The following LRRTM4 variants were observed in gnomAD, a reference collection of about 807,000 sequenced individuals.
LRRTM4 encodes leucine-rich repeat transmembrane neuronal protein 4.
Under a neutral mutation model 47.6 loss-of-function variants are expected in LRRTM4, and 25 were observed. The ratio of observed to expected loss-of-function variants is 0.53; its 90% confidence interval spans 0.38 to 0.73. LRRTM4 has a LOEUF of 0.73. LRRTM4 is among the 30% of genes least tolerant of loss of function. The pLI, the probability that LRRTM4 is intolerant of heterozygous loss-of-function variation, is 0.00. For synonymous variants in LRRTM4, 311 were observed against 269.5 expected (o/e 1.15, Z -1.51); for missense variants, 638 against 713.4 (o/e 0.89, Z 1.20).
intron 3 of LRRTM4, among the ~76,000 whole-genome samples, chr2:77,318,000 C>CA (rs1677664951): frequency 1.0e-5 from 1 of 99,792 alleles, no homozygotes; most frequent in Non-Finnish European, 1.8e-5. Flanking sequence ...ATTCCTAACA[C>CA]TTTTTTTTTT....
chr2:77,055,941 CA>C (rs2103786024), intron 3 of LRRTM4, among the ~76,000 whole-genome samples: 1 of 149,252 alleles, frequency 6.7e-6, no homozygotes, highest in South Asian at 2.1e-4. Context: ...ATTGCAAGAA[CA>C]AAAAACCAAA....
At chr2:77,305,810 A>C (rs181395967) in intron 3 of LRRTM4, among the ~76,000 whole-genome samples, 13 of 152,076 alleles carry the variant, frequency 8.5e-5, no homozygotes, top group Non-Finnish European at 1.3e-4. Flanking sequence ...TATCTATTTT[A>C]TATTTTAATA....
chr2:77,339,540 G>A (rs776365945), intron 3 of LRRTM4, among the ~76,000 whole-genome samples: 18 of 151,978 alleles, frequency 1.2e-4, no homozygotes, highest in Non-Finnish European at 2.6e-4. Flanking sequence ...GATTGATAAT[G>A]CATATATTAG....
At chr2:76,913,543 A>ATTTTTTTTTTTTT (rs58615415) in intron 3 of LRRTM4, among the ~76,000 whole-genome samples, 6,345 of 119,952 alleles carry the variant, frequency 0.053, 544 homozygotes, top group East Asian at 0.18. Context: ...TCCTATTTCA[A>ATTTTTTTTTTTTT]TTTTTTTTTT....
At chr2:76,941,009 G>T (rs1337808113) in intron 3 of LRRTM4, among the ~76,000 whole-genome samples, 2 of 152,140 alleles carry the variant, frequency 1.3e-5, no homozygotes, top group Non-Finnish European at 2.9e-5. Flanking sequence ...AGCAGCTCAA[G>T]TGTTTGGTGA....
intron 3 of LRRTM4, chr2:77,517,919 T>C (rs1395773123): frequency 2.5e-5 from 25 of 993,412 alleles, no homozygotes; most frequent in Non-Finnish European, 3.0e-5. Context: ...AAACTCACTT[T>C]ATTTTTAAAT....
At chr2:77,073,622 A>T (rs1269070796) in intron 3 of LRRTM4, among the ~76,000 whole-genome samples, 1 of 152,030 alleles carries the variant, frequency 6.6e-6, no homozygotes, top group African/African-American at 2.4e-5. Flanking sequence ...TTGATTTCTG[A>T]ATTTTCATTT....
At chr2:77,054,989 A>T (rs1470607936) in intron 3 of LRRTM4, among the ~76,000 whole-genome samples, 1 of 152,216 alleles carries the variant, frequency 6.6e-6, no homozygotes, top group Non-Finnish European at 1.5e-5. Flanking sequence ...CAGAGATTCA[A>T]CAGCTGCATT....
chr2:77,357,682 T>C (rs1672019236), intron 3 of LRRTM4, among the ~76,000 whole-genome samples: 1 of 152,182 alleles, frequency 6.6e-6, no homozygotes, highest in African/African-American at 2.4e-5. Flanking sequence ...ACTAAAACTT[T>C]TATAAATTTA....
rs1387799301 is a variant in LRRTM4, at chr2:76,974,187, CATATATATACAT to C, written c.1552-225283_1552-225272del. On this transcript the variant is annotated intron_variant, in intron 3 of 3. Transcript: ENST00000409884. ...ATATATACATACATATATATACATA[CATATATATACAT>C]ATATATATATACACATATATATACA... Among the ~76,000 whole-genome samples the C allele has an allele frequency of 8.1e-3, 869 of 107,628 alleles. 12 individuals are homozygous for C. Among genetic ancestry groups the C allele is most frequent in the African/African-American group, 0.027 (772 of 28,832 alleles). 70.6% of individuals were successfully genotyped at this position (107,628 alleles called of 152,430 possible). A position where few individuals can be genotyped will look rare whatever the true frequency, so the allele number is the denominator to read the frequency against.
chr2:76,775,117 G>A (rs113604087), intron 3 of LRRTM4, among the ~76,000 whole-genome samples: 6 of 152,094 alleles, frequency 3.9e-5, no homozygotes, highest in African/African-American at 1.4e-4. Context: ...TCTTTGATTG[G>A]CTCTATCATA....
At chr2:76,927,994 A>G (rs1461744798) in intron 3 of LRRTM4, among the ~76,000 whole-genome samples, 1 of 152,154 alleles carries the variant, frequency 6.6e-6, no homozygotes, top group Non-Finnish European at 1.5e-5. Flanking sequence ...TAAGCTGAAT[A>G]ATTTTGTAAA....
chr2:77,308,659 T>C (rs1677358435), intron 3 of LRRTM4, among the ~76,000 whole-genome samples: 1 of 152,176 alleles, frequency 6.6e-6, no homozygotes, highest in Non-Finnish European at 1.5e-5. Flanking sequence ...TTTTCTTCTA[T>C]CATTCCCACT....
chr2:77,347,994 A>T (rs139328815), intron 3 of LRRTM4, among the ~76,000 whole-genome samples: 70 of 151,196 alleles, frequency 4.6e-4, no homozygotes, highest in African/African-American at 1.6e-3. Flanking sequence ...CTCAAACTTG[A>T]AAAAAACCAA....
intron 3 of LRRTM4, among the ~76,000 whole-genome samples, chr2:77,512,695 TC>T (rs1679066314): frequency 6.6e-6 from 1 of 152,060 alleles, no homozygotes; most frequent in African/African-American, 2.4e-5. Flanking sequence ...TAAATGCAAT[TC>T]CTGAGAAGAA....
intron 3 of LRRTM4, among the ~76,000 whole-genome samples, chr2:76,879,060 G>A (rs1205743990): frequency 6.6e-6 from 1 of 152,148 alleles, no homozygotes; most frequent in Non-Finnish European, 1.5e-5. Context: ...GGTTCAAAAG[G>A]CTAAAGGGAA....
intron 3 of LRRTM4, among the ~76,000 whole-genome samples, chr2:76,782,176 C>T (rs139130323): frequency 4.6e-5 from 7 of 152,262 alleles, no homozygotes; most frequent in African/African-American, 1.7e-4. Flanking sequence ...TGGTATTTTG[C>T]AACACATGTA....
intron 3 of LRRTM4, among the ~76,000 whole-genome samples, chr2:76,795,566 T>G (rs770752103): frequency 7.0e-6 from 1 of 141,944 alleles, no homozygotes; most frequent in Non-Finnish European, 1.5e-5. Flanking sequence ...CATATATACA[T>G]GTGCATATAT....
intron 3 of LRRTM4, among the ~76,000 whole-genome samples, chr2:77,214,467 A>G (rs572404642): frequency 1.4e-4 from 22 of 152,284 alleles, no homozygotes; most frequent in African/African-American, 5.1e-4. Flanking sequence ...GTTTGTCTTC[A>G]GTGCAGTGAT....
Sources: gnomAD v4.1 joint callset for allele counts (sites outside exome capture counted in the v4.1 genomes callset) on GRCh38, gnomAD v4.1.1 for gene constraint, MANE v1.5 for transcripts, NCBI Gene and HGNC (gene_info 2026-07-23, HGNC 2026-07-21) for gene names.